SYN2: variants seen among roughly 807,000 people sequenced by gnomAD.
SYN2 encodes synapsin-2.
In SYN2, 19 loss-of-function variants were observed where a neutral mutation model predicts 50.9. The observed-to-expected ratio is 0.37, with a 90% confidence interval of 0.26 to 0.55. The LOEUF is 0.55. SYN2 is among the 20% of genes least tolerant of loss of function. The pLI, the probability that SYN2 is intolerant of heterozygous loss-of-function variation, is 0.81. For synonymous variants in SYN2, 255 were observed against 224.9 expected, an observed-to-expected ratio of 1.13 and a Z score of -1.20; for missense variants, 587 against 576.4, an observed-to-expected ratio of 1.02 and a Z score of -0.19.
chr3:12,134,052 ATACCATTG>A (rs1696844458), intron 1 of SYN2, among the ~76,000 whole-genome samples: 1 of 152,194 alleles, frequency 6.6e-6, no homozygotes, highest in African/African-American at 2.4e-5. Context: ...GACATTGTGA[ATACCATTG>A]AAGTGTATAC....
intron 1 of SYN2, among the ~76,000 whole-genome samples, chr3:12,042,768 AGAG>A (rs1368881980): frequency 6.6e-6 from 1 of 152,214 alleles, no homozygotes; most frequent in East Asian, 1.9e-4. Context: ...TATAAGAAGA[AGAG>A]AAGATACAGA....
chr3:12,067,287 T>A (rs573422425), intron 1 of SYN2, among the ~76,000 whole-genome samples: 127 of 151,218 alleles, frequency 8.4e-4, no homozygotes, highest in Non-Finnish European at 1.4e-3. Flanking sequence ...TTCAGTGATT[T>A]AAAAAAAAAG....
intron 1 of SYN2, among the ~76,000 whole-genome samples, chr3:12,033,451 G>C (rs1264963413): frequency 2.6e-5 from 4 of 152,182 alleles, no homozygotes; most frequent in East Asian, 3.9e-4. Flanking sequence ...ATAATTTCCA[G>C]GTGTGAGGCA....
At chr3:12,042,729 T>G (rs1460908327) in intron 1 of SYN2, among the ~76,000 whole-genome samples, 1 of 152,162 alleles carries the variant, frequency 6.6e-6, no homozygotes, top group Non-Finnish European at 1.5e-5. Context: ...AGATATAAGG[T>G]AGATCCTAAA....
chr3:12,118,428 A>G (rs764246251), intron 1 of SYN2, among the ~76,000 whole-genome samples: 3 of 152,202 alleles, frequency 2.0e-5, no homozygotes, highest in Non-Finnish European at 2.9e-5. Flanking sequence ...ATAAATTACA[A>G]ACACATGTGG....
rs1269015281 is a variant in SYN2, at chr3:12,187,344, G to C, written c.1370-25G>C. 3 of 1,502,244 alleles carry C rather than the reference G, an allele frequency of 2.0e-6. No homozygotes were observed. The East Asian group carries it at 7.5e-5, about 37-fold the overall frequency. The allele number at this position is 1,502,244 out of a possible 1,614,324, so 93.1% of individuals were successfully genotyped here. On this transcript the variant is annotated intron_variant, in intron 11 of 12. Coordinates refer to ENST00000621198, the MANE Select transcript of SYN2 (RefSeq NM_133625.6). ...AAACATTTTTATATGGTTAAATTAT[G>C]AAGTTTTTCTTGTACTGAACCTAGG...
intron 10 of SYN2, among the ~76,000 whole-genome samples, chr3:12,173,863 G>A (rs1014676629): frequency 5.3e-5 from 8 of 152,172 alleles, no homozygotes; most frequent in East Asian, 1.9e-4. Flanking sequence ...GCAGTGAGCC[G>A]AGATCGTACC....
chr3:12,084,553 T>A (rs955537121), intron 1 of SYN2, among the ~76,000 whole-genome samples: 1 of 152,148 alleles, frequency 6.6e-6, no homozygotes, highest in African/African-American at 2.4e-5. Context: ...AAGGAAAATG[T>A]TACTAAGCAG....
chr3:12,011,568 C>T (rs569012154), intron 1 of SYN2, among the ~76,000 whole-genome samples: 18 of 152,210 alleles, frequency 1.2e-4, no homozygotes, highest in Non-Finnish European at 2.4e-4. Context: ...TTAACCAGTT[C>T]ATGTAAGATT....
intron 1 of SYN2, among the ~76,000 whole-genome samples, chr3:12,010,684 G>A (rs550905058): frequency 1.1e-4 from 17 of 152,260 alleles, no homozygotes; most frequent in Admixed American, 7.2e-4. Context: ...TATTATTTCC[G>A]TGGTTCAGTT....
chr3:12,118,836 AAG>A (rs1696489443), intron 1 of SYN2, among the ~76,000 whole-genome samples: 1 of 152,178 alleles, frequency 6.6e-6, no homozygotes, highest in African/African-American at 2.4e-5. Context: ...AAAAAAACAA[AAG>A]AAGTGAAAGG....
chr3:12,102,262 C>T (rs1465971255), intron 1 of SYN2, among the ~76,000 whole-genome samples: 3 of 152,186 alleles, frequency 2.0e-5, no homozygotes, highest in Middle Eastern at 3.4e-3. Flanking sequence ...CTGCTTAAAG[C>T]CTATCATTGC....
chr3:12,053,682 G>A (rs1694922641), intron 1 of SYN2, among the ~76,000 whole-genome samples: 1 of 151,952 alleles, frequency 6.6e-6, no homozygotes, highest in African/African-American at 2.4e-5. Context: ...CCCCCCTAGA[G>A]TTAATAGTAT....
chr3:12,011,834 T>C (rs1693916652), intron 1 of SYN2, among the ~76,000 whole-genome samples: 1 of 152,224 alleles, frequency 6.6e-6, no homozygotes, highest in Non-Finnish European at 1.5e-5. Context: ...TTTCATTACC[T>C]GTAAAGTGGA....
intron 1 of SYN2, among the ~76,000 whole-genome samples, chr3:12,063,157 A>T (rs959022420): frequency 8.6e-5 from 13 of 151,982 alleles, no homozygotes; most frequent in Non-Finnish European, 2.9e-5. Context: ...ACTGAAATGG[A>T]GGAATACATG....
At chr3:12,150,131 A>G (rs1250989479) in intron 4 of SYN2, among the ~76,000 whole-genome samples, 3 of 152,176 alleles carry the variant, frequency 2.0e-5, no homozygotes, top group Non-Finnish European at 4.4e-5. Context: ...TGAGCTGTTG[A>G]AAAATGTTCT....
chr3:12,104,840 A>G (rs1378851754), intron 1 of SYN2, among the ~76,000 whole-genome samples: 2 of 152,064 alleles, frequency 1.3e-5, no homozygotes, highest in Non-Finnish European at 2.9e-5. Flanking sequence ...AAGTGCTGAG[A>G]TTACAGGCGT....
At chr3:12,134,774 A>G (rs115633989) in intron 1 of SYN2, among the ~76,000 whole-genome samples, 5,180 of 152,002 alleles carry the variant, frequency 0.034, 129 homozygotes, top group South Asian at 0.059. Context: ...GTGTGCTTAA[A>G]TTTTTTTTTA....
At chr3:12,075,398 A>G (rs903838182) in intron 1 of SYN2, among the ~76,000 whole-genome samples, 2 of 152,176 alleles carry the variant, frequency 1.3e-5, no homozygotes, top group African/African-American at 4.8e-5. Flanking sequence ...GAAATCTGTT[A>G]TTCTATTTGG....
Sources: gnomAD v4.1 joint callset for allele counts (sites outside exome capture counted in the v4.1 genomes callset) on GRCh38, gnomAD v4.1.1 for gene constraint, MANE v1.5 for transcripts, NCBI Gene and HGNC (gene_info 2026-07-23, HGNC 2026-07-21) for gene names.